The following RAP1GAP2 variants were observed in gnomAD, a reference collection of about 807,000 sequenced individuals.
RAP1GAP2 encodes the protein rap1 GTPase-activating protein 2.
Under a neutral mutation model 95.0 loss-of-function variants are expected in RAP1GAP2, and 27 were observed. That is an observed-to-expected ratio of 0.28 (90% CI 0.21 to 0.39). The LOEUF (loss-of-function observed/expected upper bound fraction) is 0.39, where lower values mean the gene tolerates loss of function less well. Ranked by LOEUF, RAP1GAP2 falls within the 10% of genes least tolerant of loss-of-function variation. The pLI is 1.00. For synonymous variants in RAP1GAP2, 373 were observed against 380.9 expected (o/e 0.98, Z 0.24); for missense variants, 771 against 970.0 (o/e 0.79, Z 2.72).
chr17:2,984,974 AT>A lies in RAP1GAP2; in HGVS notation c.730-5del. On this transcript the variant is annotated splice_region_variant and splice_polypyrimidine_tract_variant and intron_variant, in intron 10 of 24. Transcript: ENST00000254695. ...ATGTTGATTTTTTTTTTCTTGCCAC[AT>A]TTTCCAGGCCTCCCAAATGATTGTG... 2 of 1,597,176 alleles carry A rather than the reference AT, an allele frequency of 1.3e-6. No homozygotes were observed. The highest frequency in any genetic ancestry group is 1.7e-6 in the Non-Finnish European group (2 of 1,174,046).
intron 2 of RAP1GAP2, among the ~76,000 whole-genome samples, chr17:2,809,223 C>T (rs1178260609): frequency 1.3e-5 from 2 of 152,218 alleles, no homozygotes; most frequent in Non-Finnish European, 2.9e-5. Context: ...TTGTGGGTAT[C>T]TGCTGATGGG....
At chr17:2,923,198 C>T (rs2042847421) in intron 3 of RAP1GAP2, among the ~76,000 whole-genome samples, 1 of 151,964 alleles carries the variant, frequency 6.6e-6, no homozygotes, top group Non-Finnish European at 1.5e-5. Context: ...TGCCACCACA[C>T]CCAGTTAATT....
Position 2,857,149 on chromosome 17 carries a change from TCTC to T in RAP1GAP2, c.81-48130_81-48128del, listed in dbSNP as rs1338199672. On this transcript the variant is annotated intron_variant, in intron 2 of 24. Transcript: ENST00000254695. This position sits in a 1 kb window ranked among gnomAD's most constrained non-coding sequence, Gnocchi z 4.0. ...GTGGGGTCAGGCTCAGGCCCCTTCT[TCTC>T]CTCCCAGAAGGCTTGATCCATCCAT... 2.6e-5 allele frequency among the ~76,000 whole-genome samples: 4 copies of T among 151,950 alleles called. No homozygotes were observed. The highest frequency in any genetic ancestry group is 5.9e-5 in the Non-Finnish European group (4 of 67,872).
chr17:2,975,162 A>C (rs533679861), intron 8 of RAP1GAP2, among the ~76,000 whole-genome samples: 4 of 152,154 alleles, frequency 2.6e-5, no homozygotes, highest in Non-Finnish European at 4.4e-5. Flanking sequence ...CCTGGGAGGC[A>C]GAGGTTGCAG....
chr17:2,773,284 G>A (rs1597280578), upstream of RAP1GAP2, among the ~76,000 whole-genome samples: 1 of 152,360 alleles, frequency 6.6e-6, no homozygotes, highest in East Asian at 1.9e-4. Context: ...CCGCATCGGT[G>A]AGTAGGTTCC....
intron 1 of RAP1GAP2, chr17:2,770,278 G>C (rs2068364814): frequency 2.5e-6 from 1 of 398,170 alleles, no homozygotes; most frequent in South Asian, 1.3e-4. Flanking sequence ...CTCTCCCAAG[G>C]AGCTCTGCAG....
At chr17:2,905,558 CTG>C (rs1356630169) in intron 3 of RAP1GAP2, among the ~76,000 whole-genome samples, 190 bp downstream of exon 3, 2 of 152,276 alleles carry the variant, frequency 1.3e-5, no homozygotes, top group East Asian at 3.9e-4. Flanking sequence ...CTCAGGGTGT[CTG>C]TGTCAAGGGG....
chr17:2,772,075 C>T (rs1392382374), upstream of RAP1GAP2, among the ~76,000 whole-genome samples: 4 of 151,972 alleles, frequency 2.6e-5, no homozygotes, highest in Non-Finnish European at 4.4e-5. Context: ...CTGCAGCCTC[C>T]GCCTCCAGGG....
At chr17:2,894,395 T>A (rs995515095) in intron 2 of RAP1GAP2, among the ~76,000 whole-genome samples, 2 of 152,004 alleles carry the variant, frequency 1.3e-5, no homozygotes, top group African/African-American at 4.8e-5. Flanking sequence ...GCGCCACTGC[T>A]CTCCAGACTG....
rs1597416903 is a variant in RAP1GAP2, at chr17:2,842,689, G to C, written c.80+42139G>C. 2.6e-5 allele frequency among the ~76,000 whole-genome samples: 4 copies of C among 152,010 alleles called. No homozygotes were observed. In the East Asian group the frequency reaches 7.7e-4, roughly 29 times the overall value. ...AGCCACTGCTTTGACACCTTTCCTT[G>C]GCAGGCTGGTGGTGTGAGGCTCTGG... On this transcript the variant is annotated intron_variant, in intron 2 of 24. Transcript: ENST00000254695.
chr17:3,021,569 G>T, intron 19 of RAP1GAP2, among the ~76,000 whole-genome samples: 1 of 151,600 alleles, frequency 6.6e-6, no homozygotes, highest in East Asian at 1.9e-4. Context: ...CTGAGCAGCT[G>T]GGACTACAGG....
chr17:2,845,979 C>T (rs1053047091), intron 2 of RAP1GAP2, among the ~76,000 whole-genome samples: 9 of 151,934 alleles, frequency 5.9e-5, no homozygotes, highest in South Asian at 2.1e-4. Context: ...GTGAGGAATT[C>T]GAGACCAGCT....
chr17:2,904,562 G>A lies in RAP1GAP2; in HGVS notation c.81-722G>A, dbSNP rs1433101551. ...TGTGTGTGTGTGTGTGTGTGTGTGT[G>A]TGTGTGTACGTGCAGAGGGGCTCAA... is the stretch of plus-strand genomic sequence containing the variant. On this transcript the variant is annotated intron_variant, in intron 2 of 24. Transcript: ENST00000254695. This position sits in a 1 kb window ranked among gnomAD's most constrained non-coding sequence, Gnocchi z 4.7. Among the ~76,000 whole-genome samples, 2 of 151,766 alleles carry A rather than the reference G, an allele frequency of 1.3e-5. No homozygotes were observed. The highest frequency in any genetic ancestry group is 4.2e-4 in the South Asian group (2 of 4,804).
intron 3 of RAP1GAP2, among the ~76,000 whole-genome samples, chr17:2,933,264 A>G (rs1318388522): frequency 6.6e-6 from 1 of 152,138 alleles, no homozygotes; most frequent in African/African-American, 2.4e-5. Flanking sequence ...GTGCCTCTTG[A>G]CACAGCCAGA....
rs1227735628 is a variant in RAP1GAP2, at chr17:2,991,274, C to T, written c.814-23C>T. On this transcript the variant is annotated intron_variant, in intron 11 of 24. Transcript: ENST00000254695. ...CAGAAAGAATTTTTCTAATTCCTGC[C>T]CTTATTCCTGTTTCTCTTTCAGACC... 6 of 1,540,382 alleles carry T rather than the reference C, an allele frequency of 3.9e-6. No individual in the cohort carries two copies. The East Asian group carries it at 6.9e-5, about 18-fold the overall frequency.
chr17:2,787,102 C>T (rs1393457862), intron 1 of RAP1GAP2, among the ~76,000 whole-genome samples: 3 of 151,762 alleles, frequency 2.0e-5, no homozygotes, highest in Non-Finnish European at 4.4e-5. Context: ...AGGCGCATGC[C>T]ACCATACCTG....
At chr17:2,780,475 G>C (rs2068620159) in intron 1 of RAP1GAP2, among the ~76,000 whole-genome samples, 2 of 152,270 alleles carry the variant, frequency 1.3e-5, no homozygotes, top group South Asian at 4.1e-4. Flanking sequence ...AAGGTCCACA[G>C]GTGCCTTTGC....
At position 2,963,099 on chromosome 17, in the gene RAP1GAP2, G is replaced by A. The variant is rs1321136978; in HGVS notation, c.247-331G>A. The A allele has an allele frequency of 7.5e-6, 4 of 534,184 alleles. No individual in the cohort carries two copies. The highest frequency in any genetic ancestry group is 6.6e-5 in the East Asian group (2 of 30,132). The allele number at this position is 534,184 out of a possible 1,614,324, so 33.1% of individuals were successfully genotyped here. A position where few individuals can be genotyped will look rare whatever the true frequency, so the allele number is the denominator to read the frequency against. ...CCGCTTATCACTTGGAGGTCAGTCC[G>A]CCTGCCTGGAAAGGGGTGCTGGGGG... On this transcript the variant is annotated intron_variant, in intron 5 of 24. Transcript: ENST00000254695. The surrounding 1 kb of genome is among the most constrained non-coding windows in gnomAD (Gnocchi z 4.8).
chr17:2,991,940 T>C (rs2045770721), intron 12 of RAP1GAP2, among the ~76,000 whole-genome samples: 3 of 151,406 alleles, frequency 2.0e-5, no homozygotes, highest in South Asian at 2.1e-4. Flanking sequence ...AAGGTTTTTG[T>C]ATTTGAGTAG....
Sources: allele counts gnomAD v4.1 joint callset (sites outside exome capture counted in the v4.1 genomes callset), GRCh38; gene constraint gnomAD v4.1.1; non-coding constraint Gnocchi (gnomAD v3.1); transcripts MANE v1.5; gene names NCBI Gene and HGNC (gene_info 2026-07-23, HGNC 2026-07-21).